The following PHACTR4 variants were observed in gnomAD, a reference collection of about 807,000 sequenced individuals.
PHACTR4 encodes the protein phosphatase and actin regulator 4, also known as protein phosphatase 1, regulatory subunit 124.
Under a neutral mutation model 72.7 loss-of-function variants are expected in PHACTR4, and 51 were observed. That is an observed-to-expected ratio of 0.70 (90% CI 0.56 to 0.89). PHACTR4 has a LOEUF of 0.89. PHACTR4 is among the 40% of genes least tolerant of loss of function. The probability of loss-of-function intolerance (pLI) is 0.00; values close to 1 mark genes in which losing one functional copy is unlikely to be tolerated. For synonymous variants in PHACTR4, 255 were observed against 302.5 expected (o/e 0.84, Z 1.63); for missense variants, 731 against 861.8 (o/e 0.85, Z 1.90).
At chr1:28,417,141 A>G (rs920957084) in intron 2 of PHACTR4, among the ~76,000 whole-genome samples, 25 of 151,888 alleles carry the variant, frequency 1.6e-4, no homozygotes, top group Admixed American at 1.6e-3. Context: ...TAAAAATCCT[A>G]TGTAGACTAG....
chr1:28,437,205 C>T (rs1460245780), intron 2 of PHACTR4, among the ~76,000 whole-genome samples: 1 of 152,064 alleles, frequency 6.6e-6, no homozygotes, highest in Non-Finnish European at 1.5e-5. Context: ...GCTTAAACAA[C>T]AAACATTTCT....
rs1164380484 is a variant in PHACTR4 at position 28,458,102 on chromosome 1, GTGTGTT to G, written c.17-977_17-972del. 1.3e-3 allele frequency among the ~76,000 whole-genome samples: 145 copies of G among 108,728 alleles called. 3 individuals carry two copies. Among genetic ancestry groups the G allele is most frequent in the South Asian group, 5.7e-3 (21 of 3,666 alleles). The allele number at this position is 108,728 out of a possible 152,430, so 71.3% of individuals were successfully genotyped here. A position where few individuals can be genotyped will look rare whatever the true frequency, so the allele number is the denominator to read the frequency against. Reference sequence around the variant, plus strand: ...TGTCAAATCCTTAATATTATGGTGTGTGTGTTTGTGTGTGTGTGTGTGTGTGTGTGT... The same window carrying G: ...TGTCAAATCCTTAATATTATGGTGTGTGTGTGTGTGTGTGTGTGTGTGTGT... On this transcript the variant is annotated intron_variant, in intron 2 of 13. Coordinates refer to ENST00000373839, the MANE Select transcript of PHACTR4 (RefSeq NM_001048183.3).
chr1:28,381,167 C>T (rs4908415), intron 1 of PHACTR4, among the ~76,000 whole-genome samples: 58,331 of 150,450 alleles, frequency 0.39, 12,941 homozygotes, highest in African/African-American at 0.6. Flanking sequence ...CCACCACGCC[C>T]GGCTAATTTT....
At chr1:28,384,375 C>A (rs970239331) in intron 1 of PHACTR4, among the ~76,000 whole-genome samples, 1 of 152,044 alleles carries the variant, frequency 6.6e-6, no homozygotes, top group Non-Finnish European at 1.5e-5. Context: ...TCAATTTCTT[C>A]CTGGTTCAGT....
rs57186471 is a variant in PHACTR4, at chr1:28,409,951, A to ATTTTT, written c.16+2518_16+2522dup. Among the ~76,000 whole-genome samples the ATTTTT allele has an allele frequency of 3.8e-3, 252 of 66,360 alleles. 28 individuals carry two copies. The highest frequency in any genetic ancestry group is 0.012 in the African/African-American group (183 of 15,668). 43.5% of individuals were successfully genotyped at this position (66,360 alleles called of 152,430 possible). ...GAGGGCAGTCTGTACTTCTTCATAAATTTTTTTTTTTTTTTTTTTTTTTTT... is the reference window on the plus strand; with the variant it reads ...GAGGGCAGTCTGTACTTCTTCATAAATTTTTTTTTTTTTTTTTTTTTTTTTTTTTT... On this transcript the variant is annotated intron_variant, in intron 2 of 13. Transcript: ENST00000373839.
At position 28,459,015 on chromosome 1, in the gene PHACTR4, A is replaced by G. The variant is rs1170770754; in HGVS notation, c.17-70A>G. 2.2e-6 allele frequency: 3 copies of G among 1,389,810 alleles called. No individual in the cohort carries two copies. The African/African-American group carries it at 4.3e-5, about 20-fold the overall frequency. 86.1% of individuals were successfully genotyped at this position (1,389,810 alleles called of 1,614,324 possible). A position where few individuals can be genotyped will look rare whatever the true frequency, so the allele number is the denominator to read the frequency against. ...TCCAACTACCACAGGAAGAGAGGGG[A>G]AGGGACATTTTAGAGATTATGCTGA... On this transcript the variant is annotated intron_variant, in intron 2 of 13. Coordinates refer to ENST00000373839, the MANE Select transcript of PHACTR4 (RefSeq NM_001048183.3).
At chr1:28,422,987 C>G (rs1033289137) in intron 2 of PHACTR4, among the ~76,000 whole-genome samples, 1 of 152,196 alleles carries the variant, frequency 6.6e-6, no homozygotes, top group Non-Finnish European at 1.5e-5. Flanking sequence ...CGGGGTTTCC[C>G]CATGTTGACC....
At chr1:28,489,704 C>T in intron 10 of PHACTR4, 1 of 501,668 alleles carries the variant, frequency 2.0e-6, no homozygotes, top group Admixed American at 2.0e-5. Flanking sequence ...ATTTAATTTG[C>T]TGTCTGTGTA....
At chr1:28,449,505 C>T (rs1054755041) in intron 2 of PHACTR4, among the ~76,000 whole-genome samples, 2 of 151,808 alleles carry the variant, frequency 1.3e-5, no homozygotes, top group South Asian at 2.1e-4. Flanking sequence ...ATACTTTATC[C>T]GAAGATGAAA....
At chr1:28,386,932 T>G (rs1652602468) in intron 1 of PHACTR4, among the ~76,000 whole-genome samples, 1 of 152,148 alleles carries the variant, frequency 6.6e-6, no homozygotes, top group Non-Finnish European at 1.5e-5. Context: ...TTGGGAAAGC[T>G]TAGGTGAGTT....
At chr1:28,484,587 T>C (rs574317210) in intron 9 of PHACTR4, among the ~76,000 whole-genome samples, 22 of 151,796 alleles carry the variant, frequency 1.4e-4, no homozygotes, top group Non-Finnish European at 2.8e-4. Context: ...AATATATATG[T>C]GTACGTGTGT....
At chr1:28,472,576 A>G (rs931071939) in intron 6 of PHACTR4, among the ~76,000 whole-genome samples, 4 of 151,662 alleles carry the variant, frequency 2.6e-5, no homozygotes, top group African/African-American at 9.7e-5. Context: ...CTGAATGTTT[A>G]AATTTTTTAA....
chr1:28,469,331 A>G (rs1659414313), intron 6 of PHACTR4, among the ~76,000 whole-genome samples: 1 of 152,200 alleles, frequency 6.6e-6, no homozygotes, highest in Non-Finnish European at 1.5e-5. Context: ...TTTGGAAATC[A>G]TTGCTTCAGA....
chr1:28,460,263 G>C lies in PHACTR4; in HGVS notation c.242G>C (p.Arg81Thr), dbSNP rs374407944. 2 of 1,613,846 alleles carry C rather than the reference G, an allele frequency of 1.2e-6. No individual in the cohort carries two copies. Among genetic ancestry groups the C allele is most frequent in the African/African-American group, 2.7e-5 (2 of 75,064 alleles). The change falls in exon 4 of 14, where the codon AGA becomes ACA. Residue 81 changes from arginine to threonine, a missense_variant. Coordinates refer to ENST00000373839, the MANE Select transcript of PHACTR4 (RefSeq NM_001048183.3). ...MRKPREELVKRGVLLEDPEQG... is the reference protein window; with the variant it reads ...MRKPREELVKTGVLLEDPEQG... ...AAGCCAAGAGAAGAGCTGGTTAAAA[G>C]AGGGGTTCTGTTGGAAGACCCTGAG...
intron 1 of PHACTR4, among the ~76,000 whole-genome samples, chr1:28,386,836 G>A (rs893618977): frequency 2.0e-5 from 3 of 152,126 alleles, no homozygotes; most frequent in Non-Finnish European, 4.4e-5. Context: ...TAAAAAAATA[G>A]TGAAGTATCT....
intron 9 of PHACTR4, among the ~76,000 whole-genome samples, chr1:28,481,173 C>T (rs1660257206): frequency 6.6e-6 from 1 of 152,046 alleles, no homozygotes; most frequent in African/African-American, 2.4e-5. Context: ...GGTCCTCAGG[C>T]ATGCGCCACC....
At chr1:28,411,747 C>A (rs79914199) in intron 2 of PHACTR4, among the ~76,000 whole-genome samples, 1 of 151,976 alleles carries the variant, frequency 6.6e-6, no homozygotes, top group African/African-American at 2.4e-5. Context: ...TAGAAATCAC[C>A]ACTAAAGAAC....
At chr1:28,447,399 T>A (rs1279993555) in intron 2 of PHACTR4, among the ~76,000 whole-genome samples, 2 of 150,906 alleles carry the variant, frequency 1.3e-5, no homozygotes, top group Non-Finnish European at 3.0e-5. Context: ...TTTTTTCTTT[T>A]TTTTTTTTTT....
intron 1 of PHACTR4, among the ~76,000 whole-genome samples, chr1:28,379,654 A>G (rs1041294287): frequency 6.6e-6 from 1 of 150,560 alleles, no homozygotes; most frequent in African/African-American, 2.4e-5. Context: ...CAGTGGCACA[A>G]TCTCGGCTCA....
Sources: allele counts gnomAD v4.1 joint callset (sites outside exome capture counted in the v4.1 genomes callset), GRCh38; gene constraint gnomAD v4.1.1; transcripts MANE v1.5; gene names NCBI Gene and HGNC (gene_info 2026-07-23, HGNC 2026-07-21).